Variants in SCN9A observed in about 807,000 individuals in gnomAD.
SCN9A encodes the protein sodium channel protein type 9 subunit alpha.
In SCN9A, 131 loss-of-function variants were observed where a neutral mutation model predicts 187.0. That is an observed-to-expected ratio of 0.70 (90% CI 0.61 to 0.81). The LOEUF is 0.81. SCN9A is among the 30% of genes least tolerant of loss of function. The pLI is 0.00. For missense variants in SCN9A, 2,252 were observed against 2,396.6 expected (o/e 0.94, Z 1.26); for synonymous variants, 809 against 808.6 (o/e 1.00, Z -0.01).
At chr2:166,202,963 G>A (rs550940941) in intron 26 of SCN9A, among the ~76,000 whole-genome samples, 1 of 150,508 alleles carries the variant, frequency 6.6e-6, no homozygotes, top group South Asian at 2.1e-4. Context: ...TTATCTAATT[G>A]CATTGGCCAA....
At chr2:166,364,872 C>A (rs183115017) in intron 1 of SCN9A, among the ~76,000 whole-genome samples, 9 of 151,966 alleles carry the variant, frequency 5.9e-5, no homozygotes, top group Admixed American at 2.0e-4. Context: ...AATTCACTAG[C>A]GTGTTTTGAG....
chr2:166,211,383 GA>G (rs1694085698), intron 24 of SCN9A, among the ~76,000 whole-genome samples: 1 of 152,034 alleles, frequency 6.6e-6, no homozygotes, highest in Non-Finnish European at 1.5e-5. Flanking sequence ...TATCTTATAG[GA>G]AATGCTAAAG....
At chr2:166,337,513 G>C (rs890284662) in intron 1 of SCN9A, among the ~76,000 whole-genome samples, 11 of 152,010 alleles carry the variant, frequency 7.2e-5, no homozygotes, top group Admixed American at 7.2e-4. Context: ...AGAGGCTAAT[G>C]GTTTTTAAGA....
chr2:166,208,244 T>G (rs1693910887), intron 24 of SCN9A, among the ~76,000 whole-genome samples: 1 of 152,192 alleles, frequency 6.6e-6, no homozygotes, highest in African/African-American at 2.4e-5. Flanking sequence ...TCACTTCTGG[T>G]GTCAGATCAT....
chr2:166,307,096 A>G lies in SCN9A; in HGVS notation c.259-22T>C, dbSNP rs773686703. ...AAGTCTGCAGGAGGAAAAAGAAAGG[A>G]TGAAATTGAGAATCCAAAATATCAA... On this transcript the variant is annotated intron_variant, in intron 2 of 26. Transcript: ENST00000642356. 6.5e-6 allele frequency: 9 copies of G among 1,379,452 alleles called. No homozygotes were observed. The African/African-American group carries it at 1.0e-4, about 15-fold the overall frequency. 85.5% of individuals were successfully genotyped at this position (1,379,452 alleles called of 1,614,324 possible).
intron 24 of SCN9A, among the ~76,000 whole-genome samples, chr2:166,217,658 T>A (rs929870018): frequency 6.6e-6 from 1 of 152,010 alleles, no homozygotes; most frequent in Admixed American, 6.6e-5. Context: ...AAAATCCCAA[T>A]GAAATATTAC....
chr2:166,265,359 T>C (rs1696687740), intron 17 of SCN9A, among the ~76,000 whole-genome samples: 1 of 152,048 alleles, frequency 6.6e-6, no homozygotes, highest in Admixed American at 6.6e-5. Context: ...GGTTCATTCA[T>C]GTTGCCACAA....
At chr2:166,304,132 G>A in intron 6 of SCN9A, 106 bp downstream of exon 6, 1 of 1,613,172 alleles carries the variant, frequency 6.2e-7, no homozygotes. Flanking sequence ...TCTGTAATAG[G>A]GGAGTTTATA....
Position 166,251,758 on chromosome 2 carries a change from G to C in SCN9A, c.3472+7C>G. The C allele has an allele frequency of 6.2e-7, 1 of 1,612,264 alleles. No individual in the cohort carries two copies. On this transcript the variant is annotated splice_region_variant and intron_variant, in intron 18 of 26. Transcript: ENST00000642356. ...AATGCTAACCAAGGTCTCAATTTTT[G>C]TCTTACCATCTGTGAAACAGGCCTC...
chr2:166,237,556 A>C (rs1284286336), intron 20 of SCN9A, among the ~76,000 whole-genome samples: 2 of 152,134 alleles, frequency 1.3e-5, no homozygotes, highest in African/African-American at 4.8e-5. Flanking sequence ...TGGGTCTGAG[A>C]TAGATATTTT....
At chr2:166,233,192 TG>T (rs1695169762) in intron 21 of SCN9A, 147 bp downstream of exon 21, 2 of 326,524 alleles carry the variant, frequency 6.1e-6, no homozygotes, top group African/African-American at 1.4e-4. Context: ...TATATGCATA[TG>T]TATATATGTA....
intron 8 of SCN9A, among the ~76,000 whole-genome samples, chr2:166,293,671 A>G (rs1363750132): frequency 6.6e-6 from 1 of 152,208 alleles, no homozygotes; most frequent in Non-Finnish European, 1.5e-5. Context: ...AAAGTGTTTA[A>G]TAAATCATAG....
At chr2:166,202,827 CTAATT>C (rs1693607256) in intron 26 of SCN9A, among the ~76,000 whole-genome samples, 1 of 151,556 alleles carries the variant, frequency 6.6e-6, no homozygotes, top group South Asian at 2.1e-4. Context: ...CTTTTGAACT[CTAATT>C]GAATTTATTT....
In SCN9A at chr2:166,219,597, G is replaced by T. The variant is rs561330367; in HGVS notation, c.4398+6970C>A. On this transcript the variant is annotated intron_variant, in intron 24 of 26. Coordinates refer to ENST00000642356, the MANE Select transcript of SCN9A (RefSeq NM_001365536.1). ...GGTGAAGGGTGGGAGGAAGGAGAGGGTCAGGAAAAATAACCAATGCATACT... is the reference window on the plus strand; with the variant it reads ...GGTGAAGGGTGGGAGGAAGGAGAGGTTCAGGAAAAATAACCAATGCATACT... Among the ~76,000 whole-genome samples, 35 of 152,066 alleles carry T rather than the reference G, an allele frequency of 2.3e-4. No individual in the cohort carries two copies. The South Asian group carries it at 6.2e-3, about 27-fold the overall frequency.
At chr2:166,364,436 A>G (rs987603705) in intron 1 of SCN9A, among the ~76,000 whole-genome samples, 1 of 152,218 alleles carries the variant, frequency 6.6e-6, no homozygotes, top group African/African-American at 2.4e-5. Flanking sequence ...CCAAATGTCT[A>G]TCAACAGATG....
chr2:166,340,541 C>CTTTCTTT (rs1559050847), intron 1 of SCN9A, among the ~76,000 whole-genome samples: 1,461 of 67,834 alleles, frequency 0.022, 88 homozygotes, highest in Non-Finnish European at 0.026. Context: ...CTTTTCTTTC[C>CTTTCTTT]CTTTCTTTCT....
intron 1 of SCN9A, among the ~76,000 whole-genome samples, chr2:166,327,139 G>A (rs183133746): frequency 8.5e-4 from 130 of 152,246 alleles, no homozygotes; most frequent in African/African-American, 2.9e-3. Context: ...GAAAGTATGA[G>A]TTTAAATTTT....
intron 24 of SCN9A, among the ~76,000 whole-genome samples, chr2:166,219,175 T>TA (rs1000377118): frequency 1.3e-5 from 2 of 152,126 alleles, no homozygotes; most frequent in Admixed American, 6.5e-5. Context: ...CTCAAAGACC[T>TA]AAAGACAGAA....
Position 166,272,891 on chromosome 2 carries a change from G to A in SCN9A, c.2875-16C>T. 1 of 1,250,434 alleles carries A rather than the reference G, an allele frequency of 8.0e-7. No homozygotes were observed. The highest frequency in any genetic ancestry group is 2.2e-5 in the South Asian group (1 of 45,120). 77.5% of individuals were successfully genotyped at this position (1,250,434 alleles called of 1,614,324 possible). A position where few individuals can be genotyped will look rare whatever the true frequency, so the allele number is the denominator to read the frequency against. On this transcript the variant is annotated splice_polypyrimidine_tract_variant and intron_variant, in intron 16 of 26. Coordinates refer to ENST00000642356, the MANE Select transcript of SCN9A (RefSeq NM_001365536.1). ...GGTTTAGGACCTATATCAGGGTGGG[G>A]AGAGGGGGTAGAGAAATAGGGAGAC...
Sources: allele counts gnomAD v4.1 joint callset (sites outside exome capture counted in the v4.1 genomes callset), GRCh38; gene constraint gnomAD v4.1.1; transcripts MANE v1.5; gene names NCBI Gene and HGNC (gene_info 2026-07-23, HGNC 2026-07-21).